STX8: variants seen among roughly 807,000 people sequenced by gnomAD.
STX8 encodes syntaxin-8.
Under a neutral mutation model 37.5 loss-of-function variants are expected in STX8, and 23 were observed. That is an observed-to-expected ratio of 0.61 (90% CI 0.44 to 0.87). The LOEUF is 0.87. Ranked by LOEUF, STX8 falls within the 40% of genes least tolerant of loss-of-function variation. The probability of loss-of-function intolerance (pLI) is 0.00; values close to 1 mark genes in which losing one functional copy is unlikely to be tolerated. For missense variants in STX8, 313 were observed against 284.7 expected (o/e 1.10, Z -0.71); for synonymous variants, 115 against 99.1 (o/e 1.16, Z -0.95).
In STX8 at chr17:9,305,088, ATAT is replaced by A. The variant is rs547463676; in HGVS notation, c.644-54446_644-54444del. 4.7e-4 allele frequency among the ~76,000 whole-genome samples: 72 copies of A among 151,596 alleles called. 1 individual carries two copies. In the South Asian group the frequency reaches 5.2e-3, roughly 11 times the overall value. On this transcript the variant is annotated intron_variant, in intron 7 of 7. Transcript: ENST00000306357. ...TTCAATAAATTACATGAGATATTAA[ATAT>A]TATTATTATTATTATTTTTTGAGAT... is the stretch of plus-strand genomic sequence containing the variant.
intron 7 of STX8, among the ~76,000 whole-genome samples, chr17:9,326,045 G>C (rs943811310): frequency 1.3e-5 from 2 of 152,188 alleles, no homozygotes; most frequent in African/African-American, 4.8e-5. Context: ...GCATCCAGCA[G>C]TGTGTCAATG....
intron 4 of STX8, among the ~76,000 whole-genome samples, chr17:9,538,522 C>T (rs539398530): frequency 6.6e-6 from 1 of 152,052 alleles, no homozygotes; most frequent in South Asian, 2.1e-4. Flanking sequence ...TCTTGGCTAC[C>T]GATATACTGA....
At chr17:9,355,992 C>T (rs940449648) in intron 7 of STX8, among the ~76,000 whole-genome samples, 5 of 152,146 alleles carry the variant, frequency 3.3e-5, no homozygotes, top group African/African-American at 1.2e-4. Context: ...GACCACTGAT[C>T]CTTCCCATTC....
intron 7 of STX8, among the ~76,000 whole-genome samples, chr17:9,296,109 G>A (rs538712100): frequency 7.2e-5 from 11 of 152,180 alleles, no homozygotes; most frequent in Admixed American, 1.3e-4. Flanking sequence ...AGAATGGCGC[G>A]AACCCGGGAG....
chr17:9,411,073 G>T (rs1194204536), intron 6 of STX8, among the ~76,000 whole-genome samples: 1 of 152,174 alleles, frequency 6.6e-6, no homozygotes, highest in East Asian at 1.9e-4. Context: ...GTGTTTCAAG[G>T]CAAACAAATA....
intron 5 of STX8, among the ~76,000 whole-genome samples, chr17:9,494,261 C>T (rs183189520): frequency 0.017 from 2,538 of 151,792 alleles, 25 homozygotes; most frequent in Middle Eastern, 0.031. Context: ...GTGATCCGCC[C>T]GCCTCGGCCT....
Position 9,545,229 on chromosome 17 carries a change from C to T in STX8, c.266G>A (p.Arg89Gln), listed in dbSNP as rs753085780. ...RQNLLDDLVT[R>Q]ERLLLASFKN... is the part of the protein sequence containing the mutation. Reference sequence around the variant, plus strand: ...AAAGGATGCCAGAAGTAGTCTCTCTCGAGTTACAAGATCATCCAAGAGGTT... The same window carrying T: ...AAAGGATGCCAGAAGTAGTCTCTCTTGAGTTACAAGATCATCCAAGAGGTT... Residue 89 changes from arginine to glutamine, a missense_variant, in exon 4 of 8, where the codon CGA becomes CAA. Arg to Gln is a conservative substitution (Grantham distance 43, BLOSUM62 1). Transcript: ENST00000306357. 8 of 1,614,146 alleles carry T rather than the reference C, an allele frequency of 5.0e-6. No homozygotes were observed. Among genetic ancestry groups the T allele is most frequent in the Non-Finnish European group, 6.8e-6 (8 of 1,180,022 alleles).
chr17:9,534,398 T>A (rs1240217456), intron 4 of STX8, among the ~76,000 whole-genome samples: 2 of 152,114 alleles, frequency 1.3e-5, no homozygotes, highest in Non-Finnish European at 2.9e-5. Flanking sequence ...AATTCAACAT[T>A]GTAAAGGATT....
intron 6 of STX8, among the ~76,000 whole-genome samples, chr17:9,423,858 G>C (rs1913530229): frequency 6.6e-6 from 1 of 152,156 alleles, no homozygotes; most frequent in Non-Finnish European, 1.5e-5. Flanking sequence ...CACGGGCTGA[G>C]TTGCAATCCT....
At chr17:9,359,758 T>C (rs1567797022) in intron 7 of STX8, among the ~76,000 whole-genome samples, 1 of 152,122 alleles carries the variant, frequency 6.6e-6, no homozygotes, top group Non-Finnish European at 1.5e-5. Context: ...TCCGCCCGCC[T>C]TGGCCTCCCG....
At chr17:9,559,349 A>T (rs1445234847) in intron 2 of STX8, among the ~76,000 whole-genome samples, 1 of 152,196 alleles carries the variant, frequency 6.6e-6, no homozygotes, top group Non-Finnish European at 1.5e-5. Context: ...TTAGCAAAGC[A>T]AATTCAGAAT....
chr17:9,481,630 C>A (rs1906349432), intron 6 of STX8, among the ~76,000 whole-genome samples: 1 of 152,038 alleles, frequency 6.6e-6, no homozygotes, highest in African/African-American at 2.4e-5. Context: ...AGGATGGAAC[C>A]AAAAATGAAG....
At chr17:9,565,595 G>GAC (rs1567612379) in intron 2 of STX8, among the ~76,000 whole-genome samples, 2 of 60,720 alleles carry the variant, frequency 3.3e-5, no homozygotes, top group East Asian at 9.9e-4. Flanking sequence ...CAGCCTAGGT[G>GAC]AGAAGAAACA....
chr17:9,524,092 G>A (rs1033915069), intron 4 of STX8, among the ~76,000 whole-genome samples: 2 of 152,152 alleles, frequency 1.3e-5, no homozygotes, highest in Admixed American at 6.5e-5. Context: ...AAGCTCCCTC[G>A]GGTAACTTTT....
intron 6 of STX8, among the ~76,000 whole-genome samples, chr17:9,389,919 G>A (rs1374593260): frequency 6.6e-6 from 1 of 152,096 alleles, no homozygotes; most frequent in African/African-American, 2.4e-5. Context: ...ACTAGGAAAA[G>A]ATACATTCCA....
chr17:9,562,422 A>C (rs1370926835), intron 2 of STX8, among the ~76,000 whole-genome samples: 1 of 151,968 alleles, frequency 6.6e-6, no homozygotes, highest in Non-Finnish European at 1.5e-5. Flanking sequence ...AAAAAAAAAA[A>C]ACTTTCACAC....
At chr17:9,430,623 CGG>C (rs2063572375) in intron 6 of STX8, among the ~76,000 whole-genome samples, 6 of 149,588 alleles carry the variant, frequency 4.0e-5, no homozygotes, top group Non-Finnish European at 8.9e-5. Context: ...CATCTGTTGA[CGG>C]ACAGTTGGGC....
intron 4 of STX8, among the ~76,000 whole-genome samples, chr17:9,527,185 CAA>C (rs61665330): frequency 8.1e-5 from 4 of 49,630 alleles, no homozygotes; most frequent in African/African-American, 1.9e-4. Flanking sequence ...GACTCCGTCT[CAA>C]AAAAAAAAAA....
intron 4 of STX8, among the ~76,000 whole-genome samples, chr17:9,513,364 ATGATC>A (rs1466215929): frequency 6.6e-6 from 1 of 151,698 alleles, no homozygotes; most frequent in East Asian, 1.9e-4. Context: ...AGACAGACAA[ATGATC>A]TGACCAGACA....
Sources: gnomAD v4.1 joint callset for allele counts (sites outside exome capture counted in the v4.1 genomes callset) on GRCh38, gnomAD v4.1.1 for gene constraint, MANE v1.5 for transcripts, NCBI Gene and HGNC (gene_info 2026-07-23, HGNC 2026-07-21) for gene names.